The following CMBL variants were observed in gnomAD, a reference collection of about 807,000 sequenced individuals.
CMBL encodes the protein carboxymethylenebutenolidase homolog.
Under a neutral mutation model 28.7 loss-of-function variants are expected in CMBL, and 17 were observed. The ratio of observed to expected loss-of-function variants is 0.59; its 90% CI spans 0.41 to 0.89. The LOEUF is 0.89. Ranked by LOEUF, CMBL falls within the 40% of genes least tolerant of loss-of-function variation. The pLI is 0.00. For synonymous variants in CMBL, 106 were observed against 101.6 expected, an observed-to-expected ratio of 1.04 and a Z score of -0.26; for missense variants, 310 against 298.5, an observed-to-expected ratio of 1.04 and a Z score of -0.28.
At position 10,280,042 on chromosome 5, in the gene CMBL, G is replaced by C. The variant is rs1252622483; in HGVS notation, c.*411C>G. 1 of 155,458 alleles carries C rather than the reference G, an allele frequency of 6.4e-6. No homozygotes were observed. The highest frequency in any genetic ancestry group is 2.4e-5 in the African/African-American group (1 of 41,432). The allele number at this position is 155,458 out of a possible 1,614,324, so 9.6% of individuals were successfully genotyped here. ...CAGTCTCCACCTCCTGGGTTCTATT[G>C]ATTCTTGTGCCTCAGCCTCCCAAGT... On this transcript the variant is annotated 3_prime_UTR_variant, in exon 6 of 6. Coordinates refer to ENST00000296658, the MANE Select transcript of CMBL (RefSeq NM_138809.4).
chr5:10,304,861 C>T (rs146946298), intron 1 of CMBL, among the ~76,000 whole-genome samples: 1 of 152,248 alleles, frequency 6.6e-6, no homozygotes, highest in African/African-American at 2.4e-5. Flanking sequence ...ATCAGATCTG[C>T]CACTTACTCC....
Position 10,278,826 on chromosome 5 carries a change from T to C in CMBL, c.*1627A>G, listed in dbSNP as rs541524548. Among the ~76,000 whole-genome samples, 1 of 152,072 alleles carries C rather than the reference T, an allele frequency of 6.6e-6. No individual in the cohort carries two copies. The highest frequency in any genetic ancestry group is 6.6e-5 in the Admixed American group (1 of 15,264). On this transcript the variant is annotated 3_prime_UTR_variant, in exon 6 of 6. Transcript: ENST00000296658. ...GTCAGATGAGAGCCACAAGGTCATG[T>C]GCCAGGATAAACAAGCTTCCTGCGA... is the stretch of plus-strand genomic sequence containing the variant.
intron 1 of CMBL, among the ~76,000 whole-genome samples, chr5:10,305,953 T>G (rs1746994415): frequency 6.6e-6 from 1 of 152,162 alleles, no homozygotes; most frequent in African/African-American, 2.4e-5. Flanking sequence ...TTACTCCGTA[T>G]ACATTTGCAC....
At chr5:10,304,912 C>G (rs569182348) in intron 1 of CMBL, among the ~76,000 whole-genome samples, 18 of 152,214 alleles carry the variant, frequency 1.2e-4, no homozygotes, top group Non-Finnish European at 2.2e-4. Flanking sequence ...TGGAATCAGA[C>G]AGCCCACAGG....
chr5:10,304,134 G>A (rs1004674364), intron 1 of CMBL, among the ~76,000 whole-genome samples: 1 of 151,856 alleles, frequency 6.6e-6, no homozygotes, highest in African/African-American at 2.4e-5. Flanking sequence ...GCCAAGACAG[G>A]AGGATCACTT....
At chr5:10,301,110 G>A (rs1278361868) in intron 1 of CMBL, among the ~76,000 whole-genome samples, 1 of 151,874 alleles carries the variant, frequency 6.6e-6, no homozygotes, top group Non-Finnish European at 1.5e-5. Context: ...AATGGAGATC[G>A]TGGGCTTTAT....
intron 4 of CMBL, 79 bp from the exon 5 acceptor site, chr5:10,282,367 C>T (rs10052785): frequency 0.59 from 462,596 of 781,580 alleles, 148,578 homozygotes; most frequent in Non-Finnish European, 0.69. Context: ...CCGCATGATC[C>T]CCACACTCAT....
chr5:10,297,779 A>G (rs4702687), intron 1 of CMBL, among the ~76,000 whole-genome samples: 94,838 of 151,896 alleles, frequency 0.62, 30,813 homozygotes, highest in Non-Finnish European at 0.68. Flanking sequence ...GGCGCATAGC[A>G]GAGGAGCTGC....
Position 10,288,433 on chromosome 5 carries a change from C to T in CMBL, c.312G>A (p.Gln104=). 6.2e-7 allele frequency: 1 copy of T among 1,613,486 alleles called. No homozygotes were observed. The highest frequency in any genetic ancestry group is 8.5e-7 in the Non-Finnish European group (1 of 1,179,480). Residue 104 remains glutamine (Q), a synonymous_variant, in exon 3 of 6, where the codon CAG becomes CAA. Transcript: ENST00000296658. Reference sequence around the variant, plus strand: ...TGCGGATAACTCACCTATCGATCTTCTGGGCATTTCTTGTTTTCAGCCACT... The same window carrying T: ...TGCGGATAACTCACCTATCGATCTTTTGGGCATTTCTTGTTTTCAGCCACT... The part of the protein sequence containing the change: ...FPEWLKTRNA[Q]KIDREISAIL...
In CMBL at chr5:10,278,263, C is replaced by T. The variant is rs965569656; in HGVS notation, c.*2190G>A. 2.6e-5 allele frequency among the ~76,000 whole-genome samples: 4 copies of T among 150,990 alleles called. No homozygotes were observed. The highest frequency in any genetic ancestry group is 2.1e-4 in the South Asian group (1 of 4,814). ...TCATACTAGAAGCAGGGATTAGTAA[C>T]ACAGTTTCCAGTTATACAACTTCTC... On this transcript the variant is annotated 3_prime_UTR_variant, in exon 6 of 6. Coordinates refer to ENST00000296658, the MANE Select transcript of CMBL (RefSeq NM_138809.4).
At chr5:10,287,087 G>A (rs1746618580) in intron 3 of CMBL, among the ~76,000 whole-genome samples, 1 of 152,226 alleles carries the variant, frequency 6.6e-6, no homozygotes, top group Non-Finnish European at 1.5e-5. Context: ...AGGGGACCAA[G>A]AATAGTGGCC....
intron 4 of CMBL, 109 bp downstream of exon 4, chr5:10,286,245 T>A: frequency 9.2e-7 from 1 of 1,089,742 alleles, no homozygotes; most frequent in Non-Finnish European, 1.3e-6. Flanking sequence ...AGATGGGCAG[T>A]CTTCACATTA....
rs1318992128 is a variant in CMBL, at chr5:10,280,518, C to A, written c.673G>T (p.Ala225Ser). 6.2e-7 allele frequency: 1 copy of A among 1,613,680 alleles called. No homozygotes were observed. Among genetic ancestry groups the A allele is most frequent in the African/African-American group, 1.3e-5 (1 of 74,928 alleles). Residue 225 changes from alanine to serine, a missense_variant, in exon 6 of 6, where the codon GCA (alanine) becomes TCA (serine). Transcript: ENST00000296658. ...GCCTCGTCAATGTAGGGCTTGTCTGCAGGTGAGCAATCTTCTCTCTTCCGA... is the reference window on the plus strand; with the variant it reads ...GCCTCGTCAATGTAGGGCTTGTCTGAAGGTGAGCAATCTTCTCTCTTCCGA... Reference protein sequence around the residue: ...VHRKREDCSPADKPYIDEARR... With the variant: ...VHRKREDCSPSDKPYIDEARR...
intron 1 of CMBL, 123 bp from the exon 2 acceptor site, chr5:10,290,904 G>T (rs1746701941): frequency 2.9e-6 from 2 of 701,308 alleles, no homozygotes; most frequent in Non-Finnish European, 4.7e-6. Context: ...ATGGTATTAT[G>T]TGAGAAACCA....
At chr5:10,305,626 C>T (rs1237160542) in intron 1 of CMBL, among the ~76,000 whole-genome samples, 1 of 152,062 alleles carries the variant, frequency 6.6e-6, no homozygotes, top group Non-Finnish European at 1.5e-5. Context: ...GGCTGGAGTG[C>T]AATGGTGCAA....
At chr5:10,284,221 A>G (rs904696847) in intron 4 of CMBL, among the ~76,000 whole-genome samples, 1 of 152,244 alleles carries the variant, frequency 6.6e-6, no homozygotes, top group African/African-American at 2.4e-5. Flanking sequence ...GCCTTTTGCT[A>G]AATCGCGCAA....
chr5:10,288,263 A>G, intron 3 of CMBL, among the ~76,000 whole-genome samples, 159 bp downstream of exon 3: 1 of 151,728 alleles, frequency 6.6e-6, no homozygotes, highest in East Asian at 2.0e-4. Flanking sequence ...GAGCAAAAAC[A>G]AAAAAAAATT....
Position 10,289,718 on chromosome 5 carries a change from G to A in CMBL, c.215+830C>T, listed in dbSNP as rs911727380. ...AAGTTAAGTCCCCTCACATGGGGAC[G>A]TGAAAAAGGAAAACTTCAAGGAAGG... On this transcript the variant is annotated intron_variant, in intron 2 of 5. Transcript: ENST00000296658. The surrounding 1 kb of genome is among the most constrained non-coding windows in gnomAD (Gnocchi z 4.3). 1.3e-5 allele frequency among the ~76,000 whole-genome samples: 2 copies of A among 152,180 alleles called. No homozygotes were observed. The highest frequency in any genetic ancestry group is 6.5e-5 in the Admixed American group (1 of 15,276).
intron 1 of CMBL, among the ~76,000 whole-genome samples, chr5:10,298,883 A>G (rs1003857962): frequency 8.6e-5 from 13 of 152,030 alleles, no homozygotes; most frequent in Non-Finnish European, 8.8e-5. Context: ...ACAGAGCAAG[A>G]CTCCATCTCA....
Sources: gnomAD v4.1 joint callset for allele counts (sites outside exome capture counted in the v4.1 genomes callset) on GRCh38, gnomAD v4.1.1 for gene constraint, Gnocchi (gnomAD v3.1) non-coding constraint, MANE v1.5 for transcripts, NCBI Gene and HGNC (gene_info 2026-07-23, HGNC 2026-07-21) for gene names.